Variants in SPACA7 observed in about 807,000 individuals in gnomAD.
The protein encoded by SPACA7 is sperm acrosome-associated protein 7.
SPACA7 carries 19 observed loss-of-function variants against 26.3 expected under a neutral mutation model. The observed-to-expected ratio is 0.72, with a 90% CI of 0.50 to 1.06. The LOEUF (loss-of-function observed/expected upper bound fraction) is 1.06, where lower values mean the gene tolerates loss of function less well. Ranked by LOEUF, SPACA7 falls within the 50% of genes least tolerant of loss-of-function variation. SPACA7 has a pLI of 0.00. For missense variants in SPACA7, 211 were observed against 229.9 expected (o/e 0.92, Z 0.53); for synonymous variants, 84 against 84.5 (o/e 0.99, Z 0.04).
At chr13:112,396,699 A>G (rs1483119735) in intron 2 of SPACA7, among the ~76,000 whole-genome samples, 1 of 152,222 alleles carries the variant, frequency 6.6e-6, no homozygotes, top group East Asian at 1.9e-4. Flanking sequence ...CACTGGCCCC[A>G]GAGGACAGAG....
chr13:112,421,584 G>A (rs956513211), intron 5 of SPACA7, among the ~76,000 whole-genome samples: 10 of 152,278 alleles, frequency 6.6e-5, no homozygotes, highest in African/African-American at 1.9e-4. Context: ...TACACCAGGG[G>A]TTGTCAAACT....
rs574082898 is a variant in SPACA7 at position 112,376,851 on chromosome 13, G to A, written c.94+372G>A. ...CTTTTCTTGTTTGGGGAGTATTTTA[G>A]CACCATCCCAGATGCCTTACCACCT... On this transcript the variant is annotated intron_variant, in intron 1 of 6. Coordinates refer to ENST00000283550, the MANE Select transcript of SPACA7 (RefSeq NM_145248.5). 2.6e-4 allele frequency among the ~76,000 whole-genome samples: 40 copies of A among 152,088 alleles called. No individual in the cohort carries two copies. The South Asian group carries it at 8.3e-3, about 32-fold the overall frequency.
At chr13:112,393,976 C>T (rs1245722478) in intron 2 of SPACA7, among the ~76,000 whole-genome samples, 33 of 118,828 alleles carry the variant, frequency 2.8e-4, no homozygotes, top group Admixed American at 2.3e-3. Context: ...CAGAGCGAGA[C>T]TCTGTCTCAA....
intron 5 of SPACA7, among the ~76,000 whole-genome samples, chr13:112,409,577 A>G (rs976020972): frequency 6.6e-5 from 10 of 152,030 alleles, no homozygotes; most frequent in African/African-American, 2.2e-4. Flanking sequence ...ACACTTCTCA[A>G]AAGAAGACAT....
intron 1 of SPACA7, among the ~76,000 whole-genome samples, chr13:112,387,845 C>G (rs1284015733): frequency 6.6e-6 from 1 of 152,184 alleles, no homozygotes; most frequent in African/African-American, 2.4e-5. Context: ...TCTATGCCAG[C>G]AAAACACACA....
intron 1 of SPACA7, among the ~76,000 whole-genome samples, chr13:112,378,045 G>A (rs1281784416): frequency 6.6e-6 from 1 of 152,158 alleles, no homozygotes; most frequent in African/African-American, 2.4e-5. Flanking sequence ...GACCATCAGA[G>A]CCACAGTCAT....
intron 5 of SPACA7, among the ~76,000 whole-genome samples, chr13:112,409,242 G>A (rs1457317318): frequency 6.6e-6 from 1 of 152,036 alleles, no homozygotes; most frequent in Non-Finnish European, 1.5e-5. Flanking sequence ...TTAAATGTTA[G>A]ACCTAAAATC....
At chr13:112,397,917 G>C in intron 2 of SPACA7, 132 bp from the exon 3 acceptor site, 2 of 550,368 alleles carry the variant, frequency 3.6e-6, no homozygotes, top group Non-Finnish European at 6.4e-6. Context: ...ACATCCCCTG[G>C]GTTCCCGGAG....
intron 5 of SPACA7, among the ~76,000 whole-genome samples, chr13:112,414,657 C>A (rs539905734): frequency 6.6e-6 from 1 of 151,970 alleles, no homozygotes. Flanking sequence ...GTGATCTGCC[C>A]GTTCTTGGCT....
In SPACA7 at chr13:112,410,302, G is replaced by A. The variant is rs1047510130; in HGVS notation, c.445+9138G>A. Among the ~76,000 whole-genome samples the A allele has an allele frequency of 5.3e-4, 80 of 151,806 alleles. 1 individual carries two copies. Among genetic ancestry groups the A allele is most frequent in the African/African-American group, 1.9e-3 (78 of 41,288 alleles). On this transcript the variant is annotated intron_variant, in intron 5 of 6. Transcript: ENST00000283550. ...AATGGGTGCAGCACACCAACATGATGCATGTGTACATATGTAACAAACCTG... is the reference window on the plus strand; with the variant it reads ...AATGGGTGCAGCACACCAACATGATACATGTGTACATATGTAACAAACCTG...
chr13:112,434,482 C>T lies in SPACA7; in HGVS notation c.524-3C>T, dbSNP rs1319041526. On this transcript the variant is annotated splice_region_variant and splice_polypyrimidine_tract_variant and intron_variant, in intron 6 of 6. Transcript: ENST00000283550. Reference sequence around the variant, plus strand: ...AGTCTCAAAATCTCCTCTTTCCACACAGGAAACATTTTCCATAAAGAGCAG... The same window carrying T: ...AGTCTCAAAATCTCCTCTTTCCACATAGGAAACATTTTCCATAAAGAGCAG... 3.1e-6 allele frequency: 5 copies of T among 1,608,202 alleles called. No homozygotes were observed. The highest frequency in any genetic ancestry group is 4.2e-6 in the Non-Finnish European group (5 of 1,177,330).
At chr13:112,398,568 A>G (rs1655844650) in intron 3 of SPACA7, among the ~76,000 whole-genome samples, 1 of 152,194 alleles carries the variant, frequency 6.6e-6, no homozygotes, top group South Asian at 2.1e-4. Context: ...GGTAAAACCA[A>G]GGTCTAGCAA....
intron 1 of SPACA7, among the ~76,000 whole-genome samples, chr13:112,388,000 T>C (rs1375400675): frequency 6.6e-6 from 1 of 152,082 alleles, no homozygotes; most frequent in African/African-American, 2.4e-5. Flanking sequence ...ATGAGATCTC[T>C]GGGCAAGGCG....
At chr13:112,401,895 C>G (rs1164930627) in intron 5 of SPACA7, among the ~76,000 whole-genome samples, 1 of 152,214 alleles carries the variant, frequency 6.6e-6, no homozygotes, top group Non-Finnish European at 1.5e-5. Flanking sequence ...CAAAGTTTTT[C>G]TGTATGTGAC....
At chr13:112,400,655 G>A (rs1342786996) in intron 4 of SPACA7, among the ~76,000 whole-genome samples, 5 of 152,164 alleles carry the variant, frequency 3.3e-5, no homozygotes, top group East Asian at 1.9e-4. Context: ...TCACAGATCC[G>A]TGCAAATCCT....
At chr13:112,408,993 C>T (rs1333773305) in intron 5 of SPACA7, among the ~76,000 whole-genome samples, 1 of 152,184 alleles carries the variant, frequency 6.6e-6, no homozygotes, top group Non-Finnish European at 1.5e-5. Context: ...ACCAAAACAG[C>T]ATGATACTGG....
intron 6 of SPACA7, 122 bp downstream of exon 6, chr13:112,432,643 C>G (rs1877275632): frequency 2.9e-6 from 2 of 700,890 alleles, no homozygotes; most frequent in Non-Finnish European, 5.0e-6. Context: ...GGTGGACCTA[C>G]CTGAGCTCCA....
At chr13:112,390,907 T>A (rs1884845974) in intron 1 of SPACA7, among the ~76,000 whole-genome samples, 1 of 152,146 alleles carries the variant, frequency 6.6e-6, no homozygotes, top group African/African-American at 2.4e-5. Context: ...CAGGAAACCC[T>A]CACTGCGTGT....
At chr13:112,389,745 G>A (rs751828896) in intron 1 of SPACA7, among the ~76,000 whole-genome samples, 16 of 152,208 alleles carry the variant, frequency 1.1e-4, no homozygotes, top group Non-Finnish European at 2.1e-4. Context: ...TTTCAGCCAT[G>A]AGTCCGGCAA....
Sources: allele counts gnomAD v4.1 joint callset (sites outside exome capture counted in the v4.1 genomes callset), GRCh38; gene constraint gnomAD v4.1.1; transcripts MANE v1.5; gene names NCBI Gene and HGNC (gene_info 2026-07-23, HGNC 2026-07-21).